CMSS1: variants seen among roughly 807,000 people sequenced by gnomAD.
The protein encoded by CMSS1 is protein CMSS1.
A neutral mutation model predicts 43.5 loss-of-function variants in CMSS1; 33 were observed. The observed-to-expected ratio is 0.76, with a 90% confidence interval of 0.57 to 1.01. The LOEUF (loss-of-function observed/expected upper bound fraction) is 1.01, where lower values mean the gene tolerates loss of function less well. CMSS1 is among the 50% of genes least tolerant of loss of function. The pLI, the probability that CMSS1 is intolerant of heterozygous loss-of-function variation, is 0.00. For missense variants in CMSS1, 313 were observed against 326.4 expected (o/e 0.96, Z 0.32); for synonymous variants, 115 against 117.2 (o/e 0.98, Z 0.12).
intron 1 of CMSS1, among the ~76,000 whole-genome samples, chr3:100,093,222 C>A (rs1244299953): frequency 6.6e-6 from 1 of 152,164 alleles, no homozygotes; most frequent in South Asian, 2.1e-4. Flanking sequence ...CTGAGTTGAG[C>A]AGCTTATGTC....
At chr3:100,176,518 A>G (rs2067149875) in intron 9 of CMSS1, 103 bp downstream of exon 9, 1 of 709,244 alleles carries the variant, frequency 1.4e-6, no homozygotes, top group African/African-American at 1.8e-5. Flanking sequence ...CACATGTTAG[A>G]TTTTGAAATG....
intron 1 of CMSS1, among the ~76,000 whole-genome samples, chr3:100,100,274 A>T (rs1428581859): frequency 6.6e-6 from 1 of 152,208 alleles, no homozygotes; most frequent in Non-Finnish European, 1.5e-5. Flanking sequence ...AACAGGACTT[A>T]GAATGAGGAG....
intron 1 of CMSS1, among the ~76,000 whole-genome samples, chr3:100,109,219 TA>T (rs944577227): frequency 7.3e-5 from 11 of 151,614 alleles, no homozygotes; most frequent in Admixed American, 4.6e-4. Context: ...TTTAATATCC[TA>T]AAAAAAAATT....
chr3:100,010,612 CT>C (rs71625546), intron 1 of CMSS1, among the ~76,000 whole-genome samples: 271 of 141,298 alleles, frequency 1.9e-3, no homozygotes, highest in Middle Eastern at 3.6e-3. Context: ...GTTTTTCTTT[CT>C]TTTTTTTTTT....
At chr3:99,974,435 C>T (rs940978013) in intron 1 of CMSS1, among the ~76,000 whole-genome samples, 5 of 152,092 alleles carry the variant, frequency 3.3e-5, no homozygotes, top group East Asian at 1.9e-4. Flanking sequence ...TTGGGCTGGG[C>T]GCAGTGGCTC....
intron 1 of CMSS1, among the ~76,000 whole-genome samples, chr3:100,036,286 AG>A (rs1186642045): frequency 6.6e-6 from 1 of 152,200 alleles, no homozygotes; most frequent in African/African-American, 2.4e-5. Flanking sequence ...TTCTTGGAGA[AG>A]TAGCTGACTG....
intron 1 of CMSS1, among the ~76,000 whole-genome samples, chr3:100,091,609 A>C (rs145457415): frequency 2.6e-5 from 4 of 152,246 alleles, no homozygotes; most frequent in African/African-American, 9.6e-5. Flanking sequence ...TTACATTACA[A>C]AAGTATAACT....
intron 1 of CMSS1, among the ~76,000 whole-genome samples, chr3:100,031,696 A>G (rs2065024977): frequency 6.6e-6 from 1 of 152,130 alleles, no homozygotes; most frequent in Admixed American, 6.6e-5. Flanking sequence ...AAGGCTGAGG[A>G]TCTACGACAA....
chr3:100,179,197 G>A lies in CMSS1; in HGVS notation c.*809G>A, dbSNP rs951428594. 6.6e-6 allele frequency: 1 copy of A among 152,176 alleles called. No homozygotes were observed. Among genetic ancestry groups the A allele is most frequent in the African/African-American group, 2.4e-5 (1 of 41,428 alleles). 9.4% of individuals were successfully genotyped at this position (152,176 alleles called of 1,614,324 possible). A position where few individuals can be genotyped will look rare whatever the true frequency, so the allele number is the denominator to read the frequency against. The stretch of plus-strand genomic sequence containing the variant: ...AATTATAATTCAACATAAGATTCGG[G>A]TGGAGACACAGAGCCAAACCATGTC... On this transcript the variant is annotated 3_prime_UTR_variant, in exon 10 of 10. Coordinates refer to ENST00000421999, the MANE Select transcript of CMSS1 (RefSeq NM_032359.4).
chr3:100,134,969 T>C (rs190464907), intron 1 of CMSS1, among the ~76,000 whole-genome samples: 5 of 152,318 alleles, frequency 3.3e-5, no homozygotes, highest in Admixed American at 3.3e-4. Flanking sequence ...TTCTTATTAA[T>C]GTTGAGCAGG....
intron 1 of CMSS1, among the ~76,000 whole-genome samples, chr3:100,056,598 T>C (rs1011287088): frequency 6.6e-6 from 1 of 152,014 alleles, no homozygotes; most frequent in African/African-American, 2.4e-5. Context: ...AAGTTTGTCA[T>C]AATCTAATTA....
At chr3:100,022,457 A>G (rs2064843623) in intron 1 of CMSS1, among the ~76,000 whole-genome samples, 1 of 152,218 alleles carries the variant, frequency 6.6e-6, no homozygotes, top group Non-Finnish European at 1.5e-5. Context: ...CAGTTCAACA[A>G]TTGCACATCC....
chr3:100,080,921 A>G (rs1470197574), intron 1 of CMSS1, among the ~76,000 whole-genome samples: 2 of 152,194 alleles, frequency 1.3e-5, no homozygotes, highest in Non-Finnish European at 2.9e-5. Context: ...TTCTGTCCTA[A>G]AGGATGAGTT....
Position 100,176,316 on chromosome 3 carries a change from G to A in CMSS1, c.668-11G>A. 1.9e-6 allele frequency: 3 copies of A among 1,584,072 alleles called. No individual in the cohort carries two copies. The highest frequency in any genetic ancestry group is 1.7e-4 in the Middle Eastern group (1 of 6,008). ...TCTTTACTACAGCAACTCTCTTCCT[G>A]TCTCTTTCAGGTGGCCTTAATTTGA... On this transcript the variant is annotated splice_polypyrimidine_tract_variant and intron_variant, in intron 8 of 9. Coordinates refer to ENST00000421999, the MANE Select transcript of CMSS1 (RefSeq NM_032359.4).
At chr3:100,159,767 A>G (rs1395661416) in intron 2 of CMSS1, 2 of 325,666 alleles carry the variant, frequency 6.1e-6, no homozygotes, top group Middle Eastern at 4.0e-4. Context: ...TAAAAATAGT[A>G]CTAAACTGGG....
At chr3:100,036,364 T>C (rs1466077922) in intron 1 of CMSS1, among the ~76,000 whole-genome samples, 1 of 152,046 alleles carries the variant, frequency 6.6e-6, no homozygotes, top group Non-Finnish European at 1.5e-5. Flanking sequence ...TTAGGAAGTC[T>C]CAAAAAATGA....
At chr3:100,048,959 A>G (rs2065323826) in intron 1 of CMSS1, among the ~76,000 whole-genome samples, 2 of 152,210 alleles carry the variant, frequency 1.3e-5, no homozygotes, top group South Asian at 4.1e-4. Flanking sequence ...TAAAGTTACC[A>G]CACACACAAT....
At chr3:100,051,076 T>G (rs779911336) in intron 1 of CMSS1, among the ~76,000 whole-genome samples, 30 of 152,188 alleles carry the variant, frequency 2.0e-4, no homozygotes, top group Admixed American at 7.9e-4. Flanking sequence ...TAGTATAAAT[T>G]TATTTTTAAA....
intron 1 of CMSS1, among the ~76,000 whole-genome samples, chr3:99,942,334 G>A (rs544839410): frequency 2.0e-5 from 3 of 152,208 alleles, no homozygotes; most frequent in East Asian, 3.9e-4. Flanking sequence ...GTTCTCCTGG[G>A]ATTTACTTTT....
Sources: gnomAD v4.1 joint callset for allele counts (sites outside exome capture counted in the v4.1 genomes callset) on GRCh38, gnomAD v4.1.1 for gene constraint, MANE v1.5 for transcripts, NCBI Gene and HGNC (gene_info 2026-07-23, HGNC 2026-07-21) for gene names.